Variants in PRR12 observed in about 807,000 individuals in gnomAD.
PRR12 encodes the protein proline-rich protein 12.
In PRR12, 12 loss-of-function variants were observed where a neutral mutation model predicts 138.0. The ratio of observed to expected loss-of-function variants is 0.09; its 90% CI spans 0.06 to 0.14. The LOEUF (loss-of-function observed/expected upper bound fraction) is 0.14. Ranked by LOEUF, PRR12 falls within the 10% of genes least tolerant of loss-of-function variation. The pLI, the probability that PRR12 is intolerant of heterozygous loss-of-function variation, is 1.00. For synonymous variants in PRR12, 1,567 were observed against 1,291.7 expected (o/e 1.21, Z -4.57); for missense variants, 2,692 against 2,861.3 (o/e 0.94, Z 1.35).
intron 6 of PRR12, among the ~76,000 whole-genome samples, chr19:49,604,939 C>T (rs1233884700): frequency 6.6e-6 from 1 of 152,032 alleles, no homozygotes; most frequent in African/African-American, 2.4e-5. Flanking sequence ...GCAACTTCTA[C>T]CTCCCTGGTT....
At chr19:49,624,452 A>T (rs2080943767) in intron 11 of PRR12, among the ~76,000 whole-genome samples, 1 of 148,286 alleles carries the variant, frequency 6.7e-6, no homozygotes, top group Non-Finnish European at 1.5e-5. Flanking sequence ...GGTGCTGAAA[A>T]TTTTGGGGTA....
chr19:49,622,924 T>TAGAGAG (rs1296077375), intron 11 of PRR12, among the ~76,000 whole-genome samples: 33 of 84,754 alleles, frequency 3.9e-4, no homozygotes, highest in South Asian at 2.2e-3. Flanking sequence ...TATATATATA[T>TAGAGAG]ATATAGAGAG....
At chr19:49,618,399 T>C (rs1459145100) in intron 9 of PRR12, among the ~76,000 whole-genome samples, 1 of 151,898 alleles carries the variant, frequency 6.6e-6, no homozygotes, top group Non-Finnish European at 1.5e-5. Flanking sequence ...TTTTCTTTTT[T>C]TTTTGAGACA....
At position 49,614,434 on chromosome 19, in the gene PRR12, A is replaced by T; in HGVS notation, c.4774-99A>T. The T allele has an allele frequency of 1.3e-6, 1 of 757,212 alleles. No homozygotes were observed. Among genetic ancestry groups the T allele is most frequent in the Non-Finnish European group, 2.1e-6 (1 of 478,252 alleles). The allele number at this position is 757,212 out of a possible 1,614,324, so 46.9% of individuals were successfully genotyped here. ...TTGTTGACGTGTCTGCCTTTTCTCT[A>T]AGGGGATGGTGAGGGAAGCCAGTGG... On this transcript the variant is annotated intron_variant, in intron 6 of 13. Transcript: ENST00000418929. This position sits in a 1 kb window ranked among gnomAD's most constrained non-coding sequence, Gnocchi z 5.0.
chr19:49,601,721 C>T lies in PRR12; in HGVS notation c.4576C>T (p.Pro1526Ser), dbSNP rs763442567. Residue 1526 changes from proline to serine, a missense_variant, in exon 6 of 14, where the codon CCT becomes TCT. Pro to Ser is a moderately conservative substitution (Grantham distance 74). This residue lies in a region of PRR12 where 231 missense variants were observed against 200.8 expected (regional missense o/e 1.15). Coordinates refer to ENST00000418929, the MANE Select transcript of PRR12 (RefSeq NM_020719.3). Reference sequence around the variant, plus strand: ...ACCAGCCGCTGCCCCACTGGCTGCTCCTCCTGAGGAGCCCGCCGCCCCGTC... The same window carrying T: ...ACCAGCCGCTGCCCCACTGGCTGCTTCTCCTGAGGAGCCCGCCGCCCCGTC... ...PPPAAAPLAA[P>S]PEEPAAPSPE... 8 of 1,544,464 alleles carry T rather than the reference C, an allele frequency of 5.2e-6. No homozygotes were observed. Among genetic ancestry groups the T allele is most frequent in the East Asian group, 4.9e-5 (2 of 41,040 alleles).
intron 11 of PRR12, 109 bp downstream of exon 11, chr19:49,621,731 T>A: frequency 1.1e-6 from 1 of 902,036 alleles, no homozygotes; most frequent in Non-Finnish European, 1.7e-6. Flanking sequence ...GAGATCGTCC[T>A]TCTGGGCTCA....
intron 11 of PRR12, 147 bp downstream of exon 11, chr19:49,621,769 G>A: frequency 1.5e-6 from 1 of 658,316 alleles, no homozygotes; most frequent in South Asian, 1.8e-5. Context: ...GGGCAGGACT[G>A]TCAGGAGATC....
intron 6 of PRR12, among the ~76,000 whole-genome samples, chr19:49,606,424 G>C (rs995802091): frequency 1.7e-4 from 25 of 150,656 alleles, no homozygotes; most frequent in African/African-American, 5.9e-4. Context: ...CGATTCTTCT[G>C]CCTCAGCCTC....
rs773495179 is a variant in PRR12 at position 49,599,815 on chromosome 19, C to G, written c.4222C>G (p.Pro1408Ala). 6.2e-7 allele frequency: 1 copy of G among 1,613,542 alleles called. No homozygotes were observed. Among genetic ancestry groups the G allele is most frequent in the Non-Finnish European group, 8.5e-7 (1 of 1,179,882 alleles). ...CTCCGCCATCTCTGCCCTCGATGAC[C>G]CACCCCTTGCTGGGCCAAAAGACAC... is the stretch of plus-strand genomic sequence containing the variant. ...ISSAISALDD[P>A]PLAGPKDTST... Residue 1408 changes from proline to alanine, a missense_variant, in exon 5 of 14, where the codon CCA (proline) becomes GCA (alanine). Pro to Ala is a conservative substitution (Grantham distance 27, BLOSUM62 -1). Around this residue, in one of 11 missense-constraint regions of PRR12, gnomAD observed 231 missense variants for 200.8 expected, o/e 1.15. Transcript: ENST00000418929. This position sits in a 1 kb window ranked among gnomAD's most constrained non-coding sequence, Gnocchi z 5.0.
In PRR12 at chr19:49,616,496, G is replaced by C. The variant is rs1252219861; in HGVS notation, c.5497+277G>C. On this transcript the variant is annotated intron_variant, in intron 9 of 13. Transcript: ENST00000418929. The surrounding 1 kb of genome is among the most constrained non-coding windows in gnomAD (Gnocchi z 4.2). ...GAAGCTGAGGCTCCAAGAGAGGGCAGCACAGTCTGTGTTGGGTGCCCAGCA... is the reference window on the plus strand; with the variant it reads ...GAAGCTGAGGCTCCAAGAGAGGGCACCACAGTCTGTGTTGGGTGCCCAGCA... Among the ~76,000 whole-genome samples the C allele has an allele frequency of 2.0e-5, 3 of 152,212 alleles. No homozygotes were observed. The highest frequency in any genetic ancestry group is 6.5e-5 in the Admixed American group (1 of 15,278).
chr19:49,591,780 G>A (rs370639583), intron 1 of PRR12, 40 bp downstream of exon 1: 269 of 1,300,650 alleles, frequency 2.1e-4, no homozygotes, highest in Non-Finnish European at 2.6e-4. Context: ...GGGCCAAGGG[G>A]TGGGAGCCCA....
At position 49,616,162 on chromosome 19, in the gene PRR12, G is replaced by A. The variant is rs1321714371; in HGVS notation, c.5440G>A (p.Gly1814Ser). ...EAGGNATAGGGPPGSSSDSES... is the reference protein window; with the variant it reads ...EAGGNATAGGSPPGSSSDSES... ...AGGCGGCAACGCTACAGCAGGCGGG[G>A]GCCCACCAGGCAGCTCCTCGGACTC... The change falls in exon 9 of 14, where the codon GGC becomes AGC. Residue 1814 changes from glycine (G) to serine (S), a missense_variant. Gly to Ser is a moderately conservative substitution (Grantham distance 56). Around this residue, in one of 11 missense-constraint regions of PRR12, gnomAD observed 259 missense variants for 265.1 expected, o/e 0.98. Transcript: ENST00000418929. This position sits in a 1 kb window ranked among gnomAD's most constrained non-coding sequence, Gnocchi z 4.2. 3.2e-6 allele frequency: 5 copies of A among 1,559,876 alleles called. No homozygotes were observed. The African/African-American group carries it at 4.1e-5, about 13-fold the overall frequency.
At chr19:49,602,542 G>A (rs1285944358) in intron 6 of PRR12, among the ~76,000 whole-genome samples, 2 of 152,206 alleles carry the variant, frequency 1.3e-5, no homozygotes, top group Admixed American at 1.3e-4. Flanking sequence ...AATGGTTATT[G>A]TGTGTCAGGC....
rs1336656638 is a variant in PRR12 at position 49,596,273 on chromosome 19, C to A, written c.1938C>A (p.Leu646=). The change falls in exon 4 of 14, where the codon CTC becomes CTA. Residue 646 remains leucine (L), a synonymous_variant. Transcript: ENST00000418929. The surrounding 1 kb of genome is among the most constrained non-coding windows in gnomAD (Gnocchi z 5.6). ...TEDEEFLIQH[L]LQAPSPPRTS... ...ATGAGGAGTTCCTTATCCAGCACCT[C>A]TTGCAGGCGCCCAGCCCTCCTCGGA... The A allele has an allele frequency of 6.2e-7, 1 of 1,611,406 alleles. No individual in the cohort carries two copies.
chr19:49,603,159 T>A (rs549093423), intron 6 of PRR12, among the ~76,000 whole-genome samples: 1 of 152,378 alleles, frequency 6.6e-6, no homozygotes, highest in African/African-American at 2.4e-5. Context: ...CTGGGTTCAC[T>A]GGACAAATAG....
rs1338967019 is a variant in PRR12 at position 49,596,730 on chromosome 19, C to T, written c.2395C>T (p.Pro799Ser). ...DLPLVLPPPP[P>S]QLLPSVLSHA... The stretch of plus-strand genomic sequence containing the variant: ...CCCACTGGTGCTGCCTCCGCCTCCC[C>T]CCCAGCTGCTCCCCTCGGTCCTCAG... The change falls in exon 4 of 14, where the codon CCC (proline) becomes TCC (serine). Residue 799 changes from proline (P) to serine (S), a missense_variant. Physicochemically the swap from Pro to Ser is moderately conservative, Grantham distance 74. Around this residue, in one of 11 missense-constraint regions of PRR12, gnomAD observed 840 missense variants for 689.8 expected, o/e 1.22. Transcript: ENST00000418929. This position sits in a 1 kb window ranked among gnomAD's most constrained non-coding sequence, Gnocchi z 5.6. 1.2e-6 allele frequency: 2 copies of T among 1,605,292 alleles called. No homozygotes were observed. Among genetic ancestry groups the T allele is most frequent in the South Asian group, 2.2e-5 (2 of 90,868 alleles).
Position 49,625,207 on chromosome 19 carries a change from C to A in PRR12, c.5964+7C>A. 6.2e-7 allele frequency: 1 copy of A among 1,611,242 alleles called. No individual in the cohort carries two copies. The highest frequency in any genetic ancestry group is 1.1e-5 in the South Asian group (1 of 91,024). ...CCTGCGCTGCCGGGACCAGGTGAGCCCCACCCACAGCACCCATCGCCCTGG... is the reference window on the plus strand; with the variant it reads ...CCTGCGCTGCCGGGACCAGGTGAGCACCACCCACAGCACCCATCGCCCTGG... On this transcript the variant is annotated splice_region_variant and intron_variant, in intron 13 of 13. Coordinates refer to ENST00000418929, the MANE Select transcript of PRR12 (RefSeq NM_020719.3). The surrounding 1 kb of genome is among the most constrained non-coding windows in gnomAD (Gnocchi z 5.5).
rs566089944 is a variant in PRR12, at chr19:49,602,296, A to G, written c.4773+378A>G. On this transcript the variant is annotated intron_variant, in intron 6 of 13. Coordinates refer to ENST00000418929, the MANE Select transcript of PRR12 (RefSeq NM_020719.3). ...CTGGCCCTAGGGAGCTTCTAGTTTA[A>G]TGGAACCAGCCAGAGAGGCGGGCTG... is the stretch of plus-strand genomic sequence containing the variant. 3.3e-5 allele frequency among the ~76,000 whole-genome samples: 5 copies of G among 152,284 alleles called. No individual in the cohort carries two copies. The South Asian group carries it at 1.0e-3, about 32-fold the overall frequency.
chr19:49,618,684 C>T (rs989534871), intron 9 of PRR12, among the ~76,000 whole-genome samples: 1 of 152,108 alleles, frequency 6.6e-6, no homozygotes, highest in Non-Finnish European at 1.5e-5. Flanking sequence ...CCACTGCACC[C>T]GGCCTTCCTC....
Sources: gnomAD v4.1 joint callset for allele counts (sites outside exome capture counted in the v4.1 genomes callset) on GRCh38, gnomAD v4.1.1 for gene constraint, gnomAD v4.1.1 regional missense constraint, Gnocchi (gnomAD v3.1) non-coding constraint, MANE v1.5 for transcripts, NCBI Gene and HGNC (gene_info 2026-07-23, HGNC 2026-07-21) for gene names.